Variants in SEMA3A observed in about 807,000 individuals in gnomAD.
SEMA3A encodes the protein semaphorin-3A.
A neutral mutation model predicts 97.9 loss-of-function variants in SEMA3A; 29 were observed. That is an observed-to-expected ratio of 0.30 (90% confidence interval 0.22 to 0.40). The LOEUF is 0.40. SEMA3A is among the 10% of genes least tolerant of loss of function. The probability of loss-of-function intolerance (pLI) is 1.00; values close to 1 mark genes in which losing one functional copy is unlikely to be tolerated. For missense variants in SEMA3A, 763 were observed against 951.3 expected (o/e 0.80, Z 2.60); for synonymous variants, 321 against 323.7 (o/e 0.99, Z 0.09).
Position 84,205,607 on chromosome 7 carries a change from A to G in SEMA3A, c.-82-10939T>C, listed in dbSNP as rs148695747. On this transcript the variant is annotated intron_variant, in intron 3 of 3. Transcript: ENST00000424555. ...ATTTCCAGAAGTCTAGAAACAGTAT[A>G]AAGTTAAGCATGAAAATATAATTGC... 2.9e-3 allele frequency among the ~76,000 whole-genome samples: 445 copies of G among 152,328 alleles called. 1 individual carries two copies. The highest frequency in any genetic ancestry group is 7.6e-3 in the Admixed American group (116 of 15,296).
At chr7:84,369,021 A>G (rs1326072658) in intron 2 of SEMA3A, among the ~76,000 whole-genome samples, 1 of 150,910 alleles carries the variant, frequency 6.6e-6, no homozygotes, top group Non-Finnish European at 1.5e-5. Flanking sequence ...ATGTTAATTC[A>G]TCTCATTGGG....
At chr7:84,117,921 C>A (rs572663942) in intron 3 of SEMA3A, among the ~76,000 whole-genome samples, 2 of 152,100 alleles carry the variant, frequency 1.3e-5, no homozygotes, top group Admixed American at 6.6e-5. Context: ...TGATGACTAG[C>A]GCTTATTAAT....
intron 6 of SEMA3A, among the ~76,000 whole-genome samples, chr7:84,036,516 T>C (rs1483077822): frequency 6.6e-6 from 1 of 152,186 alleles, no homozygotes; most frequent in African/African-American, 2.4e-5. Context: ...GAGAATAACA[T>C]TCTGTGTAAC....
intron 10 of SEMA3A, among the ~76,000 whole-genome samples, 197 bp downstream of exon 10, chr7:84,007,156 T>A (rs574405385): frequency 6.6e-5 from 10 of 152,344 alleles, no homozygotes; most frequent in African/African-American, 2.4e-4. Flanking sequence ...ATTTAAGAAC[T>A]GACATCTGTA....
In SEMA3A at chr7:84,376,398, C is replaced by T. The variant is rs909423327; in HGVS notation, c.-245-4498G>A. 1.4e-5 allele frequency among the ~76,000 whole-genome samples: 2 copies of T among 145,918 alleles called. 1 individual carries two copies. The highest frequency in any genetic ancestry group is 3.0e-5 in the Non-Finnish European group (2 of 66,338). ...CGGGCGGATCACGAGGTCAGGAGAT[C>T]GAGACCATCCTGGCTAACACAGTGA... On this transcript the variant is annotated intron_variant, in intron 1 of 3. Coordinates refer to the SEMA3A transcript ENST00000424555.
At chr7:84,476,760 T>C (rs1215769455) in intron 1 of SEMA3A, among the ~76,000 whole-genome samples, 1 of 152,106 alleles carries the variant, frequency 6.6e-6, no homozygotes, top group Non-Finnish European at 1.5e-5. Context: ...GATTCTTACA[T>C]TGTAGCTGAA....
rs1022942080 is a variant in SEMA3A, at chr7:84,103,482, A to G, written c.453+6988T>C. Among the ~76,000 whole-genome samples, 12 of 152,328 alleles carry G rather than the reference A, an allele frequency of 7.9e-5. No homozygotes were observed. In the South Asian group the frequency reaches 1.2e-3, roughly 16 times the overall value. On this transcript the variant is annotated intron_variant, in intron 4 of 16. Coordinates refer to ENST00000265362, the MANE Select transcript of SEMA3A (RefSeq NM_006080.3). ...TATTTCATTTTTTCACATTAATATC[A>G]GAATAAATCATCACAGTTAAAAACA...
chr7:84,185,752 A>C (rs2116251350), intron 1 of SEMA3A, among the ~76,000 whole-genome samples: 1 of 150,030 alleles, frequency 6.7e-6, no homozygotes, highest in South Asian at 2.1e-4. Context: ...ACATGAAGAA[A>C]CCATCATTAT....
At chr7:84,132,087 A>T (rs2116031957) in intron 2 of SEMA3A, among the ~76,000 whole-genome samples, 1 of 152,336 alleles carries the variant, frequency 6.6e-6, no homozygotes, top group African/African-American at 2.4e-5. Context: ...TGCTGGGATT[A>T]CAGGTGTGAG....
intron 6 of SEMA3A, among the ~76,000 whole-genome samples, chr7:84,035,726 T>C (rs572013074): frequency 1.3e-5 from 2 of 152,138 alleles, no homozygotes; most frequent in African/African-American, 2.4e-5. Flanking sequence ...GTTATCGAGC[T>C]TCTACTGAAT....
At chr7:84,339,291 A>G (rs981779458) in intron 2 of SEMA3A, among the ~76,000 whole-genome samples, 1 of 152,228 alleles carries the variant, frequency 6.6e-6, no homozygotes, top group Non-Finnish European at 1.5e-5. Context: ...CTCTCTTTGC[A>G]GGGTCAATTA....
chr7:84,107,236 A>G (rs1795138250), intron 4 of SEMA3A, among the ~76,000 whole-genome samples: 1 of 152,192 alleles, frequency 6.6e-6, no homozygotes, highest in Non-Finnish European at 1.5e-5. Context: ...CACCAACAGC[A>G]TAACAGTTTA....
intron 3 of SEMA3A, among the ~76,000 whole-genome samples, chr7:84,235,499 C>T (rs1799216121): frequency 6.6e-6 from 1 of 151,654 alleles, no homozygotes; most frequent in Non-Finnish European, 1.5e-5. Flanking sequence ...TTATTTTCTT[C>T]TCCATATTTT....
chr7:84,084,145 T>C (rs1470258252), intron 4 of SEMA3A, among the ~76,000 whole-genome samples: 2 of 152,092 alleles, frequency 1.3e-5, no homozygotes, highest in Non-Finnish European at 2.9e-5. Context: ...CTTTTGATTT[T>C]TGAGTTTAAT....
intron 3 of SEMA3A, among the ~76,000 whole-genome samples, chr7:84,124,091 T>C (rs1267691387): frequency 6.6e-6 from 1 of 152,162 alleles, no homozygotes; most frequent in East Asian, 1.9e-4. Flanking sequence ...TGGCATGTCC[T>C]GGTTTCTGGT....
intron 2 of SEMA3A, among the ~76,000 whole-genome samples, chr7:84,324,917 A>C (rs1473967425): frequency 6.6e-6 from 1 of 152,144 alleles, no homozygotes; most frequent in Non-Finnish European, 1.5e-5. Flanking sequence ...TGTAGAAAAC[A>C]CTATAATTCG....
At chr7:84,167,063 T>A (rs1401036667) in intron 1 of SEMA3A, among the ~76,000 whole-genome samples, 9 of 152,202 alleles carry the variant, frequency 5.9e-5, no homozygotes, top group East Asian at 3.9e-4. Flanking sequence ...ATTTTTGCAG[T>A]CCTACAAGAT....
chr7:84,277,323 G>T (rs767282275), intron 3 of SEMA3A, among the ~76,000 whole-genome samples: 1 of 152,054 alleles, frequency 6.6e-6, no homozygotes, highest in Non-Finnish European at 1.5e-5. Context: ...TGTAATGATA[G>T]ATATAGATAG....
At chr7:84,469,525 A>G (rs1432115334) in intron 1 of SEMA3A, among the ~76,000 whole-genome samples, 1 of 152,196 alleles carries the variant, frequency 6.6e-6, no homozygotes, top group Non-Finnish European at 1.5e-5. Flanking sequence ...AATAAAGTGC[A>G]GGTTGAGTTA....
Sources: allele counts gnomAD v4.1 joint callset (sites outside exome capture counted in the v4.1 genomes callset), GRCh38; gene constraint gnomAD v4.1.1; transcripts MANE v1.5; gene names NCBI Gene and HGNC (gene_info 2026-07-23, HGNC 2026-07-21).